ASPDH: variants seen among roughly 807,000 people sequenced by gnomAD.
ASPDH encodes aspartate dehydrogenase domain-containing protein.
In ASPDH, 25 loss-of-function variants were observed where a neutral mutation model predicts 30.5. That is an observed-to-expected ratio of 0.82 (90% CI 0.60 to 1.14). ASPDH has a LOEUF of 1.14. Among genes scored for constraint, ASPDH ranks in the 50% most tolerant of loss-of-function variants. The pLI, the probability that ASPDH is intolerant of heterozygous loss-of-function variation, is 0.00. For missense variants in ASPDH, 401 were observed against 381.5 expected (o/e 1.05, Z -0.43); for synonymous variants, 168 against 156.3 (o/e 1.07, Z -0.56).
upstream of ASPDH, chr19:50,514,401 G>A (rs1340062132): frequency 3.1e-6 from 5 of 1,598,802 alleles, no homozygotes; most frequent in South Asian, 3.3e-5. Flanking sequence ...TAGCCCCGCT[G>A]CGCAGCACGG....
Position 50,512,584 on chromosome 19 carries a change from G to A in ASPDH, c.433-4C>T. On this transcript the variant is annotated splice_polypyrimidine_tract_variant and splice_region_variant and intron_variant, in intron 4 of 6. Coordinates refer to ENST00000389208, the MANE Select transcript of ASPDH (RefSeq NM_001114598.2). ...TGGCCATGGTGACACGAAGGCTCTG[G>A]AAGCAAGAGCCCGGGTTAGGGGGAG... The A allele has an allele frequency of 6.6e-7, 1 of 1,525,204 alleles. No individual in the cohort carries two copies. The allele number at this position is 1,525,204 out of a possible 1,614,324, so 94.5% of individuals were successfully genotyped here. A position where few individuals can be genotyped will look rare whatever the true frequency, so the allele number is the denominator to read the frequency against.
At position 50,511,676 on chromosome 19, in the gene ASPDH, T is replaced by G; in HGVS notation, c.*54A>C. 2.6e-6 allele frequency: 3 copies of G among 1,133,592 alleles called. No homozygotes were observed. The highest frequency in any genetic ancestry group is 1.7e-5 in the African/African-American group (1 of 60,594). The allele number at this position is 1,133,592 out of a possible 1,614,324, so 70.2% of individuals were successfully genotyped here. A position where few individuals can be genotyped will look rare whatever the true frequency, so the allele number is the denominator to read the frequency against. On this transcript the variant is annotated 3_prime_UTR_variant, in exon 7 of 7. Transcript: ENST00000389208. ...GAAGTGGGGCAGGGCAGGGGTGGGATGGTGGTGGTGAGAGGCCAGGCAGAT... is the reference window on the plus strand; with the variant it reads ...GAAGTGGGGCAGGGCAGGGGTGGGAGGGTGGTGGTGAGAGGCCAGGCAGAT...
At chr19:50,514,864 G>C (rs896069609), upstream of ASPDH, 1 of 984,862 alleles carries the variant, frequency 1.0e-6, no homozygotes, top group African/African-American at 1.8e-5. Flanking sequence ...AGAGGAGACA[G>C]ACGCGGGCAG....
In ASPDH at chr19:50,511,761, A is replaced by G; in HGVS notation, c.821T>C (p.Leu274Pro). 1 of 1,310,750 alleles carries G rather than the reference A, an allele frequency of 7.6e-7. No homozygotes were observed. The highest frequency in any genetic ancestry group is 9.8e-7 in the Non-Finnish European group (1 of 1,024,400). 81.2% of individuals were successfully genotyped at this position (1,310,750 alleles called of 1,614,324 possible). ...FWQSLLACCQ[L>P]PSRPGIHLC ...GAGATGGATCCCCGGCCTGGAGGGGAGCTGGCAGCAGGCTGCGGGGAGAGG... is the reference window on the plus strand; with the variant it reads ...GAGATGGATCCCCGGCCTGGAGGGGGGCTGGCAGCAGGCTGCGGGGAGAGG... The change falls in exon 7 of 7, where the codon CTC becomes CCC. Residue 274 changes from leucine to proline, a missense_variant. Physicochemically the swap from Leu to Pro is moderately conservative, Grantham distance 98. Transcript: ENST00000389208.
upstream of ASPDH, chr19:50,514,498 T>C: frequency 6.2e-7 from 1 of 1,614,132 alleles, no homozygotes. Context: ...TACCTTTCAC[T>C]CTGTCCCCCA....
Position 50,512,554 on chromosome 19 carries a change from G to T in ASPDH, c.459C>A (p.His153Gln). The change falls in exon 5 of 7, where the codon CAC becomes CAA. Residue 153 changes from histidine to glutamine, a missense_variant. By Grantham distance (24) the His-to-Gln change is conservative. Coordinates refer to ENST00000389208, the MANE Select transcript of ASPDH (RefSeq NM_001114598.2). ...LRSLRVTMAT[H>Q]PDGFRLEGPL... ...GTCCCTCAAGCCGGAAGCCATCGGGGTGTGTGGCCATGGTGACACGAAGGC... is the reference window on the plus strand; with the variant it reads ...GTCCCTCAAGCCGGAAGCCATCGGGTTGTGTGGCCATGGTGACACGAAGGC... 1.3e-6 allele frequency: 2 copies of T among 1,536,830 alleles called. No individual in the cohort carries two copies. The highest frequency in any genetic ancestry group is 1.4e-5 in the African/African-American group (1 of 72,728).
At position 50,513,148 on chromosome 19, in the gene ASPDH, T is replaced by C; in HGVS notation, c.197+124A>G. 1.6e-6 allele frequency: 2 copies of C among 1,252,788 alleles called. No homozygotes were observed. The highest frequency in any genetic ancestry group is 2.8e-5 in the Admixed American group (1 of 35,822). 77.6% of individuals were successfully genotyped at this position (1,252,788 alleles called of 1,614,324 possible). ...CGAAATGAGATGAATGGGTTCGTCC[T>C]GTTTCACATTTGCTTGAACCAAGGC... On this transcript the variant is annotated intron_variant, in intron 2 of 6. Coordinates refer to ENST00000389208, the MANE Select transcript of ASPDH (RefSeq NM_001114598.2). The surrounding 1 kb of genome is among the most constrained non-coding windows in gnomAD (Gnocchi z 4.9).
Position 50,513,519 on chromosome 19 carries a change from G to T in ASPDH, c.53-103C>A. The T allele has an allele frequency of 8.1e-7, 1 of 1,235,912 alleles. No homozygotes were observed. The highest frequency in any genetic ancestry group is 1.1e-6 in the Non-Finnish European group (1 of 908,426). 76.6% of individuals were successfully genotyped at this position (1,235,912 alleles called of 1,614,324 possible). The stretch of plus-strand genomic sequence containing the variant: ...GAGACCCAGAGAGAGAGGAGGTGGG[G>T]ACAGACTCAGATTGCGGGGTAGGGA... On this transcript the variant is annotated intron_variant, in intron 1 of 6. Transcript: ENST00000389208. The surrounding 1 kb of genome is among the most constrained non-coding windows in gnomAD (Gnocchi z 4.9).
rs750587221 is a variant in ASPDH, at chr19:50,512,962, A to G, written c.247T>C (p.Ser83Pro). The change falls in exon 3 of 7, where the codon TCT becomes CCT. Residue 83 changes from serine (S) to proline (P), a missense_variant. By Grantham distance (74) the Ser-to-Pro change is moderately conservative. Transcript: ENST00000389208. ...EVAHPKIIHESGAQILRHANL... is the reference protein window; with the variant it reads ...EVAHPKIIHEPGAQILRHANL... ...GCATGGCGCAGGATTTGTGCCCCAG[A>G]TTCATGGATTATTTTGGGATGGGCC... 8.7e-6 allele frequency: 14 copies of G among 1,613,532 alleles called. No homozygotes were observed. Among genetic ancestry groups the G allele is most frequent in the Admixed American group, 1.7e-5 (1 of 59,928 alleles).
chr19:50,512,915 G>A lies in ASPDH; in HGVS notation c.282+12C>T. 1 of 1,611,740 alleles carries A rather than the reference G, an allele frequency of 6.2e-7. No homozygotes were observed. Among genetic ancestry groups the A allele is most frequent in the Non-Finnish European group, 8.5e-7 (1 of 1,178,684 alleles). ...GGCAGGGCTCTGCGTAAATGGTTGG[G>A]GTGGGGCTTACCAGGAGATTGGCAT... On this transcript the variant is annotated intron_variant, in intron 3 of 6. Coordinates refer to ENST00000389208, the MANE Select transcript of ASPDH (RefSeq NM_001114598.2).
rs769179022 is a variant in ASPDH, at chr19:50,512,159, G to T, written c.785C>A (p.Thr262Lys). The part of the protein sequence containing the change: ...PGAVTGSATV[T>K]AFWQSLLACC... ...ACCCAGGAGGCTCTGCCAGAAGGCC[G>T]TGACGGTGGCGGAGCCGGTGACCGC... Residue 262 changes from threonine to lysine, a missense_variant, in exon 6 of 7, where the codon ACG (threonine) becomes AAG (lysine). Transcript: ENST00000389208. The T allele has an allele frequency of 1.6e-5, 25 of 1,578,348 alleles. No homozygotes were observed. In the South Asian group the frequency reaches 2.5e-4, roughly 16 times the overall value.
At chr19:50,512,027 A>G (rs1300417553) in intron 6 of ASPDH, 109 bp downstream of exon 6, 1 of 902,052 alleles carries the variant, frequency 1.1e-6, no homozygotes, top group Non-Finnish European at 1.6e-6. Flanking sequence ...AGAAAGAAAG[A>G]AAGGTCAACA....
At position 50,512,541 on chromosome 19, in the gene ASPDH, G is replaced by T; in HGVS notation, c.472C>A (p.Arg158=). The change falls in exon 5 of 7, where the codon CGG becomes AGG. Residue 158 remains arginine (R), a synonymous_variant. Transcript: ENST00000389208. The stretch of plus-strand genomic sequence containing the variant: ...GCTGCAGCCAGGGGTCCCTCAAGCC[G>T]GAAGCCATCGGGGTGTGTGGCCATG... ...VTMATHPDGF[R]LEGPLAAAHS... 6.5e-7 allele frequency: 1 copy of T among 1,535,974 alleles called. No individual in the cohort carries two copies. Among genetic ancestry groups the T allele is most frequent in the Non-Finnish European group, 8.7e-7 (1 of 1,144,866 alleles).
upstream of ASPDH, chr19:50,513,994 G>A (rs950987678): frequency 4.7e-5 from 35 of 745,246 alleles, no homozygotes; most frequent in South Asian, 5.7e-4. This position sits in a 1 kb window ranked among gnomAD's most constrained non-coding sequence, Gnocchi z 4.9. Flanking sequence ...AGTGGAGGCG[G>A]GAGAACCCTT....
chr19:50,511,900 A>G (rs1979916207), intron 6 of ASPDH, 127 bp from the exon 7 acceptor site: 2 of 788,850 alleles, frequency 2.5e-6, no homozygotes, highest in South Asian at 2.0e-5. Flanking sequence ...AGAGAGCGGG[A>G]CAGAGCCCTG....
intron 4 of ASPDH, 21 bp downstream of exon 4, chr19:50,512,639 TG>T: frequency 6.6e-7 from 1 of 1,517,912 alleles, no homozygotes. Flanking sequence ...CCCTGGTTCC[TG>T]GGGAGCCCAG....
In ASPDH at chr19:50,513,135, A is replaced by G; in HGVS notation, c.198-124T>C. On this transcript the variant is annotated intron_variant, in intron 2 of 6. Coordinates refer to ENST00000389208, the MANE Select transcript of ASPDH (RefSeq NM_001114598.2). This position sits in a 1 kb window ranked among gnomAD's most constrained non-coding sequence, Gnocchi z 4.9. ...CTGACCTGGGAGGCGAAATGAGATG[A>G]ATGGGTTCGTCCTGTTTCACATTTG... The G allele has an allele frequency of 8.0e-7, 1 of 1,253,714 alleles. No individual in the cohort carries two copies. 77.7% of individuals were successfully genotyped at this position (1,253,714 alleles called of 1,614,324 possible).
Position 50,512,460 on chromosome 19 carries a change from G to A in ASPDH, c.553C>T (p.Pro185Ser). ...GTGTTGGAATTTCGCGGGGCAAAGG[G>A]GCAGAGCCCACGGACAGGGCCTTCG... ...LYEGPVRGLC[P>S]FAPRNSNTMA... The change falls in exon 5 of 7, where the codon CCC (proline) becomes TCC (serine). Residue 185 changes from proline (P) to serine (S), a missense_variant. Coordinates refer to ENST00000389208, the MANE Select transcript of ASPDH (RefSeq NM_001114598.2). The A allele has an allele frequency of 6.2e-7, 1 of 1,604,714 alleles. No homozygotes were observed. The highest frequency in any genetic ancestry group is 8.5e-7 in the Non-Finnish European group (1 of 1,176,068).
chr19:50,513,917 C>CT (rs1431279371), upstream of ASPDH: 1 of 1,442,396 alleles, frequency 6.9e-7, no homozygotes, highest in Non-Finnish European at 9.3e-7. The surrounding 1 kb of genome is among the most constrained non-coding windows in gnomAD (Gnocchi z 4.9). Context: ...GACATCTGAC[C>CT]CTTGAGCCTC....
Sources: allele counts gnomAD v4.1 joint callset, GRCh38; gene constraint gnomAD v4.1.1; non-coding constraint Gnocchi (gnomAD v3.1); transcripts MANE v1.5; gene names NCBI Gene and HGNC (gene_info 2026-07-23, HGNC 2026-07-21).